VTI1A: variants seen among roughly 807,000 people sequenced by gnomAD.
VTI1A encodes the protein vesicle transport through interaction with t-SNAREs 1A, also known as vesicle transport through interaction with t-SNAREs homolog 1A.
A neutral mutation model predicts 34.9 loss-of-function variants in VTI1A; 22 were observed. The observed-to-expected ratio is 0.63, with a 90% CI of 0.45 to 0.90. The LOEUF is 0.90. VTI1A is among the 40% of genes least tolerant of loss of function. The probability of loss-of-function intolerance (pLI) is 0.00; values close to 1 mark genes in which losing one functional copy is unlikely to be tolerated. For missense variants in VTI1A, 268 were observed against 275.6 expected (o/e 0.97, Z 0.20); for synonymous variants, 87 against 97.3 (o/e 0.89, Z 0.62).
At chr10:112,618,850 A>G (rs1845623378) in intron 5 of VTI1A, among the ~76,000 whole-genome samples, 1 of 152,122 alleles carries the variant, frequency 6.6e-6, no homozygotes, top group Non-Finnish European at 1.5e-5. Context: ...ATTAAGGGGT[A>G]GTTCAGCTTG....
intron 5 of VTI1A, among the ~76,000 whole-genome samples, chr10:112,639,097 A>C (rs531861599): frequency 1.1e-3 from 165 of 152,188 alleles, no homozygotes; most frequent in Non-Finnish European, 1.8e-3. Flanking sequence ...TGCTCTGCTC[A>C]TGAGCAACAG....
intron 7 of VTI1A, among the ~76,000 whole-genome samples, chr10:112,751,475 T>TAAAAAA (rs11411829): frequency 9.9e-6 from 1 of 100,994 alleles, no homozygotes; most frequent in African/African-American, 3.8e-5. Flanking sequence ...ATTAACTGTT[T>TAAAAAA]AAAAAAAAAA....
chr10:112,631,257 A>G (rs1019387160), intron 5 of VTI1A, among the ~76,000 whole-genome samples: 1 of 152,210 alleles, frequency 6.6e-6, no homozygotes, highest in Non-Finnish European at 1.5e-5. Flanking sequence ...TATTTATTTT[A>G]ATGAGGTACA....
At chr10:112,577,847 G>A (rs1415513486) in intron 5 of VTI1A, among the ~76,000 whole-genome samples, 1 of 152,244 alleles carries the variant, frequency 6.6e-6, no homozygotes, top group Non-Finnish European at 1.5e-5. Flanking sequence ...AGAATTGCAA[G>A]AGGGCATGAT....
At chr10:112,488,748 G>A (rs1848727967) in intron 3 of VTI1A, among the ~76,000 whole-genome samples, 1 of 152,090 alleles carries the variant, frequency 6.6e-6, no homozygotes, top group Non-Finnish European at 1.5e-5. Context: ...TTGGAGGAAT[G>A]GGTAACCAAT....
intron 5 of VTI1A, chr10:112,548,865 G>A: frequency 1.4e-6 from 2 of 1,405,640 alleles, no homozygotes; most frequent in Non-Finnish European, 1.9e-6. Flanking sequence ...TACCGGAACG[G>A]TGATCAATCA....
chr10:112,761,379 T>C (rs1422319380), intron 7 of VTI1A, among the ~76,000 whole-genome samples: 2 of 152,220 alleles, frequency 1.3e-5, no homozygotes, highest in Admixed American at 1.3e-4. Flanking sequence ...CTCAAGACTA[T>C]ATCGTCAGGC....
chr10:112,801,891 A>G (rs1852890138), intron 7 of VTI1A, among the ~76,000 whole-genome samples: 1 of 152,230 alleles, frequency 6.6e-6, no homozygotes, highest in South Asian at 2.1e-4. Context: ...CTGTGTATTT[A>G]CATTAGGCAC....
chr10:112,526,021 G>A (rs1850211703), intron 3 of VTI1A, among the ~76,000 whole-genome samples: 1 of 152,182 alleles, frequency 6.6e-6, no homozygotes, highest in Non-Finnish European at 1.5e-5. Context: ...CCCCAAGTGA[G>A]GAAGAGATTA....
At chr10:112,613,176 T>C (rs1178442490) in intron 5 of VTI1A, among the ~76,000 whole-genome samples, 3 of 152,210 alleles carry the variant, frequency 2.0e-5, no homozygotes, top group Non-Finnish European at 2.9e-5. Flanking sequence ...AATAACGGGA[T>C]ATACTATTTT....
intron 5 of VTI1A, among the ~76,000 whole-genome samples, chr10:112,631,175 C>G (rs1355510411): frequency 6.6e-6 from 1 of 151,964 alleles, no homozygotes; most frequent in Non-Finnish European, 1.5e-5. Flanking sequence ...ATGCTACTCT[C>G]AACTACACTG....
At chr10:112,692,156 C>T (rs1848636098) in intron 7 of VTI1A, among the ~76,000 whole-genome samples, 1 of 152,302 alleles carries the variant, frequency 6.6e-6, no homozygotes, top group Middle Eastern at 3.4e-3. Context: ...GTTACAAACT[C>T]ACCACCCTAG....
At chr10:112,476,144 A>C (rs1012692386) in intron 3 of VTI1A, among the ~76,000 whole-genome samples, 4 of 152,196 alleles carry the variant, frequency 2.6e-5, no homozygotes, top group Admixed American at 6.5e-5. Flanking sequence ...TGGAACATGA[A>C]GAAGCTAATT....
At chr10:112,539,863 A>T (rs985379232) in intron 5 of VTI1A, among the ~76,000 whole-genome samples, 6 of 152,244 alleles carry the variant, frequency 3.9e-5, no homozygotes, top group Non-Finnish European at 5.9e-5. Context: ...ACAGGCATTT[A>T]TCTTTATCTC....
At chr10:112,624,412 A>G (rs1325452926) in intron 5 of VTI1A, among the ~76,000 whole-genome samples, 2 of 152,168 alleles carry the variant, frequency 1.3e-5, no homozygotes, top group Non-Finnish European at 2.9e-5. Context: ...GACTTCTAGG[A>G]TACCTGGGAG....
At chr10:112,633,510 A>G (rs979553539) in intron 5 of VTI1A, among the ~76,000 whole-genome samples, 1 of 152,192 alleles carries the variant, frequency 6.6e-6, no homozygotes, top group Non-Finnish European at 1.5e-5. Flanking sequence ...CAGACATTGA[A>G]AAGAGATAGC....
At chr10:112,484,809 G>A (rs539838178) in intron 3 of VTI1A, among the ~76,000 whole-genome samples, 2 of 150,654 alleles carry the variant, frequency 1.3e-5, no homozygotes, top group Admixed American at 6.7e-5. Flanking sequence ...ATAAATGATA[G>A]GCACACAAAA....
chr10:112,489,399 C>T (rs1848749227), intron 3 of VTI1A, among the ~76,000 whole-genome samples: 2 of 152,140 alleles, frequency 1.3e-5, no homozygotes, highest in African/African-American at 2.4e-5. Flanking sequence ...TTCCCCCAAC[C>T]CCCCATTCTT....
intron 7 of VTI1A, among the ~76,000 whole-genome samples, chr10:112,741,514 T>C (rs67467637): frequency 0.16 from 24,330 of 152,182 alleles, 2,262 homozygotes; most frequent in Middle Eastern, 0.22. Flanking sequence ...CTAAAATTGA[T>C]ATTGATGATG....
Sources: gnomAD v4.1 joint callset for allele counts (sites outside exome capture counted in the v4.1 genomes callset) on GRCh38, gnomAD v4.1.1 for gene constraint, MANE v1.5 for transcripts, NCBI Gene and HGNC (gene_info 2026-07-23, HGNC 2026-07-21) for gene names.